ACTN2: variants seen among roughly 807,000 people sequenced by gnomAD.
The protein encoded by ACTN2 is actinin alpha 2, also known as alpha-actinin-2.
ACTN2 carries 39 observed loss-of-function variants against 113.8 expected under a neutral mutation model. The observed-to-expected ratio is 0.34, with a 90% CI of 0.27 to 0.45. ACTN2 has a LOEUF of 0.45. Among genes scored for constraint, ACTN2 ranks in the 20% least tolerant of loss-of-function variants. The pLI is 1.00. For synonymous variants in ACTN2, 429 were observed against 444.1 expected, an observed-to-expected ratio of 0.97 and a Z score of 0.43; for missense variants, 992 against 1,177.9, an observed-to-expected ratio of 0.84 and a Z score of 2.31.
At chr1:236,729,090 T>A (rs1306423220) in intron 6 of ACTN2, among the ~76,000 whole-genome samples, 2 of 152,068 alleles carry the variant, frequency 1.3e-5, no homozygotes, top group Admixed American at 1.3e-4. Context: ...CCATCATGGG[T>A]GGTGAAACCC....
chr1:236,691,941 C>A, intron 1 of ACTN2, among the ~76,000 whole-genome samples: 1 of 152,180 alleles, frequency 6.6e-6, no homozygotes, highest in East Asian at 1.9e-4. Flanking sequence ...GAAAAAGGGC[C>A]AGGTTATAGA....
intron 1 of ACTN2, among the ~76,000 whole-genome samples, chr1:236,701,142 T>C (rs1236169767): frequency 2.0e-5 from 3 of 152,196 alleles, no homozygotes; most frequent in African/African-American, 7.2e-5. Flanking sequence ...GCACCTCCTT[T>C]GACTCTCAGA....
At chr1:236,745,494 A>G (rs1659206407) in intron 12 of ACTN2, among the ~76,000 whole-genome samples, 1 of 152,206 alleles carries the variant, frequency 6.6e-6, no homozygotes, top group Non-Finnish European at 1.5e-5. Context: ...ACGTGTGCAG[A>G]AGAGACGTCA....
chr1:236,739,696 A>C (rs1360509474), intron 10 of ACTN2, among the ~76,000 whole-genome samples, 164 bp downstream of exon 10: 4 of 152,180 alleles, frequency 2.6e-5, no homozygotes, highest in Non-Finnish European at 4.4e-5. Context: ...CTTTTCTCCC[A>C]ACCATCATGT....
intron 4 of ACTN2, 109 bp from the exon 5 acceptor site, chr1:236,725,824 G>A: frequency 1.1e-6 from 1 of 933,308 alleles, no homozygotes; most frequent in Non-Finnish European, 1.8e-6. Flanking sequence ...TGTAGGAAGA[G>A]ACCCCCTGGG....
At chr1:236,718,079 A>T (rs1658274461) in intron 2 of ACTN2, 107 bp downstream of exon 2, 5 of 862,308 alleles carry the variant, frequency 5.8e-6, no homozygotes, top group Non-Finnish European at 9.6e-6. Context: ...CTGGGCAAGA[A>T]CATGGTATTA....
intron 1 of ACTN2, among the ~76,000 whole-genome samples, chr1:236,689,501 A>T (rs1026272964): frequency 5.3e-5 from 8 of 151,622 alleles, no homozygotes; most frequent in African/African-American, 1.9e-4. Flanking sequence ...GGCATGCACC[A>T]CCACACATGG....
At chr1:236,721,033 T>TTTTTTTG (rs1658377963) in intron 4 of ACTN2, among the ~76,000 whole-genome samples, 2 of 108,786 alleles carry the variant, frequency 1.8e-5, no homozygotes, top group African/African-American at 6.8e-5. Flanking sequence ...TTTTTTTTTT[T>TTTTTTTG]TTTTTTTTTT....
At chr1:236,710,317 T>C (rs1657986775) in intron 1 of ACTN2, among the ~76,000 whole-genome samples, 1 of 152,258 alleles carries the variant, frequency 6.6e-6, no homozygotes, top group Admixed American at 6.5e-5. Flanking sequence ...TGCATAGCGA[T>C]TGAATAACAC....
Position 236,757,537 on chromosome 1 carries a change from A to G in ACTN2, c.2206A>G (p.Asn736Asp). ...LLLTTIARTI[N>D]EVETQILTRD... ...GCTGACAACCATCGCCAGAACCATC[A>G]ATGAGGTGGAGACTCAGATCCTGAC... The change falls in exon 18 of 21, where the codon AAT (asparagine) becomes GAT (aspartate). Residue 736 changes from asparagine to aspartate, a missense_variant. This residue lies in a region of ACTN2 where 736 missense variants were observed against 815.4 expected (regional missense o/e 0.90). Coordinates refer to ENST00000366578, the MANE Select transcript of ACTN2 (RefSeq NM_001103.4). The G allele has an allele frequency of 6.2e-7, 1 of 1,614,186 alleles. No individual in the cohort carries two copies.
At chr1:236,686,912 G>A in intron 1 of ACTN2, 113 bp downstream of exon 1, 5 of 1,205,250 alleles carry the variant, frequency 4.1e-6, no homozygotes, top group Non-Finnish European at 5.3e-6. Flanking sequence ...TTGTGGAGGT[G>A]CTGTGCTGTC....
chr1:236,750,621 G>A (rs1029969756), intron 14 of ACTN2, among the ~76,000 whole-genome samples: 7 of 152,196 alleles, frequency 4.6e-5, no homozygotes, highest in Non-Finnish European at 1.0e-4. Flanking sequence ...CTCATGTTCA[G>A]GTCAAAGAAT....
At chr1:236,715,290 A>T (rs1357295301) in intron 1 of ACTN2, among the ~76,000 whole-genome samples, 1 of 137,496 alleles carries the variant, frequency 7.3e-6, no homozygotes, top group Admixed American at 7.3e-5. Context: ...TATCTCTCCT[A>T]ATCCTATCCC....
At chr1:236,726,143 A>G (rs1658543931) in intron 5 of ACTN2, 123 bp downstream of exon 5, 1 of 854,702 alleles carries the variant, frequency 1.2e-6, no homozygotes, top group Non-Finnish European at 2.0e-6. Context: ...ATCGAGGAGA[A>G]CTCAGGCTGT....
chr1:236,704,795 A>G (rs1657777672), intron 1 of ACTN2, among the ~76,000 whole-genome samples: 1 of 152,158 alleles, frequency 6.6e-6, no homozygotes, highest in South Asian at 2.1e-4. Context: ...CTTTTGAAGG[A>G]GACCTCACTG....
chr1:236,739,201 C>T (rs752492631), intron 9 of ACTN2, 101 bp from the exon 10 acceptor site: 30 of 1,214,900 alleles, frequency 2.5e-5, no homozygotes, highest in Admixed American at 5.1e-5. Context: ...ATTTTAGGAA[C>T]ATTCATCCTT....
chr1:236,758,469 T>G (rs1313465182), intron 18 of ACTN2, among the ~76,000 whole-genome samples: 1 of 147,426 alleles, frequency 6.8e-6, no homozygotes, highest in Non-Finnish European at 1.5e-5. Flanking sequence ...TTTTTTTTTT[T>G]CAGTAGAGAC....
intron 1 of ACTN2, among the ~76,000 whole-genome samples, chr1:236,706,605 T>C (rs530652592): frequency 8.2e-4 from 125 of 152,344 alleles, no homozygotes; most frequent in Non-Finnish European, 1.3e-3. Context: ...TCTCTTTCTC[T>C]TACCTTGTCT....
chr1:236,687,062 G>A (rs1388209245), intron 1 of ACTN2, among the ~76,000 whole-genome samples: 2 of 152,074 alleles, frequency 1.3e-5, no homozygotes, highest in African/African-American at 2.4e-5. Flanking sequence ...ACCAACCCGC[G>A]TTAGACCAGA....
Sources: gnomAD v4.1 joint callset for allele counts (sites outside exome capture counted in the v4.1 genomes callset) on GRCh38, gnomAD v4.1.1 for gene constraint, gnomAD v4.1.1 regional missense constraint, MANE v1.5 for transcripts, NCBI Gene and HGNC (gene_info 2026-07-23, HGNC 2026-07-21) for gene names.